Variants in WDFY3 observed in about 807,000 individuals in gnomAD.
The protein encoded by WDFY3 is WD repeat and FYVE domain-containing protein 3.
WDFY3 carries 66 observed loss-of-function variants against 409.6 expected under a neutral mutation model. That is an observed-to-expected ratio of 0.16 (90% CI 0.13 to 0.20). The LOEUF is 0.20. Ranked by LOEUF, WDFY3 falls within the 10% of genes least tolerant of loss-of-function variation. The pLI, the probability that WDFY3 is intolerant of heterozygous loss-of-function variation, is 1.00. For synonymous variants in WDFY3, 1,521 were observed against 1,537.1 expected, an observed-to-expected ratio of 0.99 and a Z score of 0.25; for missense variants, 3,031 against 4,298.1, an observed-to-expected ratio of 0.71 and a Z score of 8.24.
intron 3 of WDFY3, among the ~76,000 whole-genome samples, chr4:84,893,767 A>G (rs1342606092): frequency 6.6e-6 from 1 of 152,140 alleles, no homozygotes; most frequent in Non-Finnish European, 1.5e-5. Context: ...CAGGTAGATC[A>G]TAAGGTCAGG....
chr4:84,782,968 T>C lies in WDFY3; in HGVS notation c.4169A>G (p.Tyr1390Cys). 2 of 1,612,786 alleles carry C rather than the reference T, an allele frequency of 1.2e-6. No individual in the cohort carries two copies. Among genetic ancestry groups the C allele is most frequent in the South Asian group, 1.1e-5 (1 of 90,590 alleles). ...ARTIGAALIG[Y>C]LGVRTFVPKP... The stretch of plus-strand genomic sequence containing the variant: ...ACAAAGATAAGTCCACTCACCCAAG[T>C]ATCCAATCAGAGCGGCCCCAATTGT... Residue 1390 changes from tyrosine to cysteine, a missense_variant, in exon 25 of 68, where the codon TAC (tyrosine) becomes TGC (cysteine). Physicochemically the swap from Tyr to Cys is radical, Grantham distance 194. Transcript: ENST00000295888.
chr4:84,817,021 T>C (rs904079398), intron 13 of WDFY3, among the ~76,000 whole-genome samples: 3 of 152,182 alleles, frequency 2.0e-5, no homozygotes, highest in Non-Finnish European at 4.4e-5. Flanking sequence ...CATACATATA[T>C]GCATGCATGT....
chr4:84,830,663 C>T (rs887320731), intron 8 of WDFY3, among the ~76,000 whole-genome samples: 1 of 152,120 alleles, frequency 6.6e-6, no homozygotes, highest in Non-Finnish European at 1.5e-5. Flanking sequence ...ATACTTTAAA[C>T]CAACAGTGTC....
intron 3 of WDFY3, among the ~76,000 whole-genome samples, chr4:84,883,421 A>G (rs778018271): frequency 1.2e-4 from 18 of 152,230 alleles, no homozygotes; most frequent in Admixed American, 7.2e-4. Context: ...TCAGTTTACC[A>G]TATTTTTCTT....
intron 2 of WDFY3, among the ~76,000 whole-genome samples, chr4:84,931,410 AT>A (rs1308427818): frequency 6.6e-6 from 1 of 152,178 alleles, no homozygotes; most frequent in Non-Finnish European, 1.5e-5. Context: ...TGGGATCTGG[AT>A]TATAAGGTAT....
intron 37 of WDFY3, among the ~76,000 whole-genome samples, chr4:84,742,562 A>C (rs1400973399): frequency 6.6e-6 from 1 of 152,158 alleles, no homozygotes; most frequent in African/African-American, 2.4e-5. Context: ...CCCAACTCCC[A>C]GGCCATGGAA....
At chr4:84,903,098 C>G (rs988288099) in intron 2 of WDFY3, among the ~76,000 whole-genome samples, 1 of 152,042 alleles carries the variant, frequency 6.6e-6, no homozygotes, top group Non-Finnish European at 1.5e-5. Flanking sequence ...AAGGTTGAGT[C>G]AAATGAAATT....
intron 32 of WDFY3, among the ~76,000 whole-genome samples, chr4:84,764,480 G>T (rs1322937822): frequency 6.6e-6 from 1 of 152,158 alleles, no homozygotes; most frequent in Non-Finnish European, 1.5e-5. Flanking sequence ...ACATGGAAAT[G>T]ATATTACTTT....
intron 58 of WDFY3, among the ~76,000 whole-genome samples, chr4:84,694,661 G>A (rs550777972): frequency 4.6e-5 from 7 of 152,310 alleles, no homozygotes; most frequent in East Asian, 1.9e-4. Flanking sequence ...GCCAGGCGCC[G>A]TAGCTCATGC....
intron 3 of WDFY3, among the ~76,000 whole-genome samples, chr4:84,886,022 A>G (rs189927037): frequency 1.8e-4 from 27 of 152,330 alleles, no homozygotes; most frequent in African/African-American, 6.5e-4. Flanking sequence ...TTTAAGTTGG[A>G]CACGTCTTAG....
intron 51 of WDFY3, among the ~76,000 whole-genome samples, chr4:84,711,239 G>C (rs1732833822): frequency 6.6e-6 from 1 of 152,156 alleles, no homozygotes; most frequent in African/African-American, 2.4e-5. Flanking sequence ...ATGAAGCACA[G>C]CTATAAGGAG....
At position 84,672,515 on chromosome 4, in the gene WDFY3, T is replaced by C. The variant is rs1272829612; in HGVS notation, c.*353A>G. Reference sequence around the variant, plus strand: ...TTCTAAAAGCCTTTTTTGTTGTTGGTTTTTCCAAATAAGGATGAGTAGCTC... The same window carrying C: ...TTCTAAAAGCCTTTTTTGTTGTTGGCTTTTCCAAATAAGGATGAGTAGCTC... On this transcript the variant is annotated 3_prime_UTR_variant, in exon 68 of 68. Transcript: ENST00000295888. The C allele has an allele frequency of 6.1e-6, 1 of 162,798 alleles. No individual in the cohort carries two copies. Among genetic ancestry groups the C allele is most frequent in the Non-Finnish European group, 1.3e-5 (1 of 75,470 alleles). 10.1% of individuals were successfully genotyped at this position (162,798 alleles called of 1,614,324 possible).
chr4:84,728,639 A>C (rs1736057613), intron 44 of WDFY3, among the ~76,000 whole-genome samples: 1 of 152,118 alleles, frequency 6.6e-6, no homozygotes, highest in African/African-American at 2.4e-5. Context: ...TTCACTATAT[A>C]TACTCCCAGC....
At chr4:84,713,374 A>G in intron 50 of WDFY3, 135 bp from the exon 51 acceptor site, 1 of 692,716 alleles carries the variant, frequency 1.4e-6, no homozygotes, top group Non-Finnish European at 2.5e-6. Flanking sequence ...TGGCAGGCAA[A>G]AGGAATATAT....
intron 3 of WDFY3, among the ~76,000 whole-genome samples, chr4:84,884,834 T>C (rs1763978842): frequency 6.6e-6 from 1 of 152,142 alleles, no homozygotes; most frequent in African/African-American, 2.4e-5. Context: ...GAAAACGGTA[T>C]ATAACAATCA....
chr4:84,915,280 T>C (rs944537712), intron 2 of WDFY3, among the ~76,000 whole-genome samples: 1 of 152,162 alleles, frequency 6.6e-6, no homozygotes, highest in Non-Finnish European at 1.5e-5. Flanking sequence ...CCTGAACATA[T>C]ATAATGCTGC....
intron 2 of WDFY3, among the ~76,000 whole-genome samples, chr4:84,918,826 T>C (rs1426781015): frequency 7.4e-6 from 1 of 134,900 alleles, no homozygotes. Context: ...TATATATATA[T>C]AGATATATAT....
At chr4:84,893,810 C>T (rs1765243120) in intron 3 of WDFY3, among the ~76,000 whole-genome samples, 1 of 152,034 alleles carries the variant, frequency 6.6e-6, no homozygotes, top group Non-Finnish European at 1.5e-5. Context: ...GATGGTGAAA[C>T]CTCGTCTCTA....
At position 84,684,392 on chromosome 4, in the gene WDFY3, C is replaced by T. The variant is rs547198295; in HGVS notation, c.9544-267G>A. On this transcript the variant is annotated intron_variant, in intron 62 of 67. Transcript: ENST00000295888. ...ACAAAGGGCAGGTCCACGTCCCTGGCACACTGCTGAGCAAGGTCTGGCGAC... is the reference window on the plus strand; with the variant it reads ...ACAAAGGGCAGGTCCACGTCCCTGGTACACTGCTGAGCAAGGTCTGGCGAC... Among the ~76,000 whole-genome samples, 3 of 152,320 alleles carry T rather than the reference C, an allele frequency of 2.0e-5. No homozygotes were observed. The South Asian group carries it at 6.2e-4, about 32-fold the overall frequency.
Sources: allele counts gnomAD v4.1 joint callset (sites outside exome capture counted in the v4.1 genomes callset), GRCh38; gene constraint gnomAD v4.1.1; transcripts MANE v1.5; gene names NCBI Gene and HGNC (gene_info 2026-07-23, HGNC 2026-07-21).